LINGO2: variants seen among roughly 807,000 people sequenced by gnomAD.
LINGO2 encodes the protein leucine rich repeat and Ig domain containing 2.
In LINGO2, 14 loss-of-function variants were observed where a neutral mutation model predicts 30.6. The ratio of observed to expected loss-of-function variants is 0.46; its 90% CI spans 0.30 to 0.72. The LOEUF (loss-of-function observed/expected upper bound fraction) is 0.72, where lower values mean the gene tolerates loss of function less well. Among genes scored for constraint, LINGO2 ranks in the 30% least tolerant of loss-of-function variants. The probability of loss-of-function intolerance (pLI) is 0.07; values close to 1 mark genes in which losing one functional copy is unlikely to be tolerated. For synonymous variants in LINGO2, 317 were observed against 288.5 expected (o/e 1.10, Z -1.00); for missense variants, 729 against 751.7 (o/e 0.97, Z 0.35).
intron 4 of LINGO2, among the ~76,000 whole-genome samples, chr9:28,037,025 G>A (rs565015417): frequency 6.6e-6 from 1 of 152,320 alleles, no homozygotes. Context: ...ACATCTTGAT[G>A]TATCTGTGTA....
intron 4 of LINGO2, among the ~76,000 whole-genome samples, chr9:28,060,521 G>A (rs539264448): frequency 3.9e-5 from 6 of 152,152 alleles, no homozygotes; most frequent in East Asian, 3.9e-4. Context: ...AAAGCAACAC[G>A]CTAAGTTCAC....
chr9:29,046,315 C>G, the LINGO2 span, among the ~76,000 whole-genome samples: 1 of 152,122 alleles, frequency 6.6e-6, no homozygotes, highest in African/African-American at 2.4e-5. Flanking sequence ...GCAAAAAGAA[C>G]AAACCTGGAG....
chr9:28,899,128 A>C, the LINGO2 span, among the ~76,000 whole-genome samples: 1 of 152,220 alleles, frequency 6.6e-6, no homozygotes, highest in Non-Finnish European at 1.5e-5. Flanking sequence ...TATCACAAAA[A>C]TTTTAAAAGA....
At chr9:28,892,603 T>C in the LINGO2 span, among the ~76,000 whole-genome samples, 2 of 151,888 alleles carry the variant, frequency 1.3e-5, no homozygotes, top group African/African-American at 4.8e-5. Flanking sequence ...ATGACATAAT[T>C]AAAAAGACAA....
intron 4 of LINGO2, among the ~76,000 whole-genome samples, chr9:28,225,517 C>T (rs1036247445): frequency 2.0e-5 from 3 of 151,566 alleles, no homozygotes; most frequent in African/African-American, 7.3e-5. Flanking sequence ...AAGGAAAAGG[C>T]CAATAGTTTT....
At chr9:29,210,043 T>C in the LINGO2 span, among the ~76,000 whole-genome samples, 1 of 152,156 alleles carries the variant, frequency 6.6e-6, no homozygotes, top group Non-Finnish European at 1.5e-5. Context: ...CAGAGCCAGA[T>C]CATAATCAGT....
chr9:28,453,470 C>A (rs1415543592), intron 2 of LINGO2, among the ~76,000 whole-genome samples: 4 of 151,824 alleles, frequency 2.6e-5, no homozygotes, highest in Non-Finnish European at 2.9e-5. Context: ...TACAGTCTTT[C>A]AAATTGTGAA....
chr9:28,539,023 G>T (rs777952059), intron 1 of LINGO2, among the ~76,000 whole-genome samples: 31 of 152,016 alleles, frequency 2.0e-4, no homozygotes, highest in Non-Finnish European at 4.3e-4. Context: ...TAAGCTCAGA[G>T]ATTTTTCAAT....
chr9:28,721,079 T>A, the LINGO2 span, among the ~76,000 whole-genome samples: 2 of 152,136 alleles, frequency 1.3e-5, no homozygotes, highest in Non-Finnish European at 2.9e-5. Context: ...AAGCTCATCA[T>A]CACTGGATAT....
rs192948483 is a variant in LINGO2 at position 27,979,386 on chromosome 9, A to C, written c.-35-28680T>G. On this transcript the variant is annotated intron_variant, in intron 5 of 5. Transcript: ENST00000379992. ...AAAATTCAGTTAAAAGGAAAGGCCT[A>C]GGGTTGGTATACTCCTGGGTCACTG... Among the ~76,000 whole-genome samples the C allele has an allele frequency of 3.8e-3, 581 of 152,036 alleles. 3 individuals are homozygous for C. Among genetic ancestry groups the C allele is most frequent in the African/African-American group, 0.013 (550 of 41,500 alleles).
chr9:28,972,380 T>G, the LINGO2 span, among the ~76,000 whole-genome samples: 22 of 152,272 alleles, frequency 1.4e-4, no homozygotes, highest in African/African-American at 5.1e-4. Context: ...AATAACTGTG[T>G]TGAGGAAACT....
chr9:28,374,202 GTTTTTA>G (rs10587537), intron 2 of LINGO2, among the ~76,000 whole-genome samples: 2,210 of 124,172 alleles, frequency 0.018, 67 homozygotes, highest in African/African-American at 0.059. Context: ...TTAAAAATAT[GTTTTTA>G]TTTATATATA....
At chr9:28,128,916 G>A (rs915952795) in intron 4 of LINGO2, among the ~76,000 whole-genome samples, 1 of 152,166 alleles carries the variant, frequency 6.6e-6, no homozygotes, top group African/African-American at 2.4e-5. Context: ...CAGTCTGCGT[G>A]GGCACCATCC....
At chr9:28,351,675 A>G (rs1819899779) in intron 3 of LINGO2, among the ~76,000 whole-genome samples, 1 of 150,498 alleles carries the variant, frequency 6.6e-6, no homozygotes, top group Non-Finnish European at 1.5e-5. Context: ...TCTGATACCA[A>G]AGCCAGGCAG....
chr9:28,737,765 T>C, the LINGO2 span, among the ~76,000 whole-genome samples: 8 of 152,112 alleles, frequency 5.3e-5, no homozygotes, highest in African/African-American at 1.7e-4. Context: ...TTTCTTGGGG[T>C]TCTCATTGGT....
the LINGO2 span, among the ~76,000 whole-genome samples, chr9:28,874,729 T>C: frequency 6.6e-6 from 1 of 152,142 alleles, no homozygotes; most frequent in African/African-American, 2.4e-5. Flanking sequence ...ATAGTCTCAT[T>C]ATCCTTTCTA....
At chr9:27,950,203 A>T (rs1819220419) in exon 6 of LINGO2, 1 of 1,613,972 alleles carries the variant, frequency 6.2e-7, no homozygotes, top group African/African-American at 1.3e-5. Context: ...ACTTCTAGAG[A>T]CTTCAGGTTA....
At chr9:28,438,430 G>A (rs1224850744) in intron 2 of LINGO2, among the ~76,000 whole-genome samples, 3 of 152,080 alleles carry the variant, frequency 2.0e-5, no homozygotes, top group East Asian at 1.9e-4. Context: ...TCAAACATCA[G>A]AGCTCCTGAT....
chr9:28,944,758 C>A, the LINGO2 span, among the ~76,000 whole-genome samples: 1 of 151,904 alleles, frequency 6.6e-6, no homozygotes, highest in Non-Finnish European at 1.5e-5. Flanking sequence ...AGCTTAATCA[C>A]TAATAATTGA....
Sources: allele counts gnomAD v4.1 joint callset (sites outside exome capture counted in the v4.1 genomes callset), GRCh38; gene constraint gnomAD v4.1.1; transcripts MANE v1.5; gene names NCBI Gene and HGNC (gene_info 2026-07-23, HGNC 2026-07-21).